Variants in FAT4 observed in about 807,000 individuals in gnomAD.
FAT4 encodes FAT atypical cadherin 4.
FAT4 carries 84 observed loss-of-function variants against 303.9 expected under a neutral mutation model. The observed-to-expected ratio is 0.28, with a 90% CI of 0.23 to 0.33. The LOEUF (loss-of-function observed/expected upper bound fraction) is 0.33. Among genes scored for constraint, FAT4 ranks in the 10% least tolerant of loss-of-function variants. FAT4 has a pLI of 1.00. For missense variants in FAT4, 6,005 were observed against 6,146.8 expected, an observed-to-expected ratio of 0.98 and a Z score of 0.77; for synonymous variants, 2,307 against 2,298.8, an observed-to-expected ratio of 1.00 and a Z score of -0.10.
chr4:125,385,581 G>T (rs575013016), intron 2 of FAT4, among the ~76,000 whole-genome samples: 5 of 151,878 alleles, frequency 3.3e-5, no homozygotes, highest in South Asian at 2.1e-4. Flanking sequence ...TGAAATTATA[G>T]ATAATCATAG....
intron 8 of FAT4, among the ~76,000 whole-genome samples, chr4:125,444,538 G>A (rs1412460082): frequency 1.3e-5 from 2 of 152,084 alleles, no homozygotes; most frequent in Non-Finnish European, 2.9e-5. Flanking sequence ...ACATTTAAAT[G>A]ATAGCAAGTC....
intron 14 of FAT4, 136 bp downstream of exon 14, chr4:125,477,470 A>G: frequency 1.3e-6 from 1 of 790,154 alleles, no homozygotes; most frequent in Non-Finnish European, 1.9e-6. Context: ...TGAATTTTAA[A>G]TACTATACCT....
chr4:125,450,733 C>G lies in FAT4; in HGVS notation c.9723C>G (p.Asp3241Glu). Reference sequence around the variant, plus strand: ...ATACTGTACAGTCATCTGACAGTGACCTCTTTGTCATTGACCCTAACACAG... The same window carrying G: ...ATACTGTACAGTCATCTGACAGTGAGCTCTTTGTCATTGACCCTAACACAG... ...IAYTVQSSDS[D>E]LFVIDPNTGV... Residue 3241 changes from aspartate to glutamate, a missense_variant, in exon 10 of 18, where the codon GAC becomes GAG. Asp to Glu is a conservative substitution (Grantham distance 45). Transcript: ENST00000394329. 6.2e-7 allele frequency: 1 copy of G among 1,614,092 alleles called. No homozygotes were observed.
chr4:125,437,025 T>C (rs908243244), intron 8 of FAT4, among the ~76,000 whole-genome samples: 6 of 152,038 alleles, frequency 3.9e-5, no homozygotes, highest in Middle Eastern at 3.2e-3. Context: ...CGGCTAATTT[T>C]TGTATTTTTA....
At chr4:125,468,156 T>TA (rs1031119657) in intron 11 of FAT4, among the ~76,000 whole-genome samples, 29 of 150,308 alleles carry the variant, frequency 1.9e-4, no homozygotes, top group Non-Finnish European at 3.1e-4. Flanking sequence ...TGTCCCAAAA[T>TA]AAAAAAAATA....
In FAT4 at chr4:125,321,409, T is replaced by C. The variant is rs754645745; in HGVS notation, c.4998T>C (p.Tyr1666=). The change falls in exon 2 of 18, where the codon TAT becomes TAC. Residue 1666 remains tyrosine, a synonymous_variant. Transcript: ENST00000394329. ...GATCTGAGGCCCCAGTGGAGTATTA[T>C]ATTGTTTCAGTTCGTTGTGAAGAAA... ...PRGSEAPVEY[Y]IVSVRCEEKT... is the part of the protein sequence containing the mutation. 3.5e-5 allele frequency: 57 copies of C among 1,614,032 alleles called. No individual in the cohort carries two copies. Among genetic ancestry groups the C allele is most frequent in the Admixed American group, 8.3e-5 (5 of 60,008 alleles).
In FAT4 at chr4:125,449,613, A is replaced by G. The variant is rs750101718; in HGVS notation, c.8603A>G (p.Asn2868Ser). ...GTCACAATATTTGTGACAGACATCA[A>G]TGACAATGCTCCAAGATTTAGCAGA... Reference protein sequence around the residue: ...TDVTIFVTDINDNAPRFSRTS... With the variant: ...TDVTIFVTDISDNAPRFSRTS... Residue 2868 changes from asparagine to serine, a missense_variant, in exon 10 of 18, where the codon AAT becomes AGT. Asn to Ser is a conservative substitution (Grantham distance 46, BLOSUM62 1). Transcript: ENST00000394329. 1.9e-6 allele frequency: 3 copies of G among 1,613,942 alleles called. No individual in the cohort carries two copies. Among genetic ancestry groups the G allele is most frequent in the Admixed American group, 1.7e-5 (1 of 60,000 alleles).
At chr4:125,467,941 G>T (rs940466137) in intron 11 of FAT4, among the ~76,000 whole-genome samples, 1 of 152,150 alleles carries the variant, frequency 6.6e-6, no homozygotes, top group East Asian at 1.9e-4. Context: ...GAGGCAGGCG[G>T]ATCACCTGAG....
intron 10 of FAT4, among the ~76,000 whole-genome samples, chr4:125,458,585 A>G (rs545232785): frequency 2.0e-5 from 3 of 152,136 alleles, no homozygotes; most frequent in Middle Eastern, 3.4e-3. Flanking sequence ...AAGCAGAATT[A>G]GGCAGTTTAC....
At chr4:125,390,219 A>C (rs1316511047) in intron 2 of FAT4, among the ~76,000 whole-genome samples, 1 of 152,142 alleles carries the variant, frequency 6.6e-6, no homozygotes, top group Non-Finnish European at 1.5e-5. Context: ...TACGAAATTT[A>C]ACTCTATACT....
chr4:125,449,221 AG>A lies in FAT4; in HGVS notation c.8212del (p.Val2738TyrfsTer6). On this transcript the variant is annotated frameshift_variant, in exon 10 of 18. Coordinates refer to ENST00000394329, the MANE Select transcript of FAT4 (RefSeq NM_001291303.3). LOFTEE classifies it high-confidence loss of function. ...RSVRPLDREK[V>X]SHYVLTIKSS... ...GCGTTAGACCTTTGGACAGGGAAAAAGTATCTCATTATGTCCTAACCATAAA... is the reference window on the plus strand; with the variant it reads ...GCGTTAGACCTTTGGACAGGGAAAAATATCTCATTATGTCCTAACCATAAA... 1 of 1,613,962 alleles carries A rather than the reference AG, an allele frequency of 6.2e-7. No homozygotes were observed. Among genetic ancestry groups the A allele is most frequent in the African/African-American group, 1.3e-5 (1 of 75,044 alleles).
rs1396185924 is a variant in FAT4, at chr4:125,441,428, T to C, written c.7200-4865T>C. Among the ~76,000 whole-genome samples, 18 of 152,304 alleles carry C rather than the reference T, an allele frequency of 1.2e-4. No individual in the cohort carries two copies. In the East Asian group the frequency reaches 2.9e-3, roughly 24 times the overall value. Reference sequence around the variant, plus strand: ...ATTAGAGAAAGAAAGTATTTCCATATGGTTGGTGTGGGTTAGGAATGGACT... The same window carrying C: ...ATTAGAGAAAGAAAGTATTTCCATACGGTTGGTGTGGGTTAGGAATGGACT... On this transcript the variant is annotated intron_variant, in intron 8 of 17. Transcript: ENST00000394329.
rs1258503889 is a variant in FAT4, at chr4:125,315,069, T to C, written c.-921T>C. 2.6e-5 allele frequency among the ~76,000 whole-genome samples: 4 copies of C among 151,772 alleles called. No individual in the cohort carries two copies. The highest frequency in any genetic ancestry group is 5.9e-5 in the Non-Finnish European group (4 of 67,898). ...CGGCGACGCGCTGTGTGTGTGTGTG[T>C]GCGTGTGTATGTGTGTGTGTGTGCA... is the stretch of plus-strand genomic sequence containing the variant. On this transcript the variant is annotated 5_prime_UTR_variant, in exon 1 of 18. Transcript: ENST00000394329.
At chr4:125,455,569 A>T (rs1297013634) in intron 10 of FAT4, among the ~76,000 whole-genome samples, 1 of 152,190 alleles carries the variant, frequency 6.6e-6, no homozygotes, top group East Asian at 1.9e-4. Context: ...CAAAAAATTA[A>T]GTCTTCGAGT....
chr4:125,439,492 C>T (rs1306773765), intron 8 of FAT4, among the ~76,000 whole-genome samples: 1 of 147,532 alleles, frequency 6.8e-6, no homozygotes, highest in Admixed American at 6.9e-5. Flanking sequence ...ACCACCATGC[C>T]CGGCTAATTT....
intron 2 of FAT4, among the ~76,000 whole-genome samples, chr4:125,362,495 C>A (rs902756216): frequency 5.3e-5 from 8 of 152,034 alleles, no homozygotes; most frequent in Non-Finnish European, 8.8e-5. Flanking sequence ...TCTTCTGATG[C>A]AGGGAAAAAG....
Position 125,316,344 on chromosome 4 carries a change from T to G in FAT4, c.-12-56T>G. ...ATCTTTGCTGGCGCTCCTTAATCCC[T>G]GTAAATATCATTGCGTTTGCTTCAC... is the stretch of plus-strand genomic sequence containing the variant. On this transcript the variant is annotated intron_variant, in intron 1 of 17. Transcript: ENST00000394329. The surrounding 1 kb of genome is among the most constrained non-coding windows in gnomAD (Gnocchi z 5.7). The G allele has an allele frequency of 6.6e-7, 1 of 1,525,118 alleles. No individual in the cohort carries two copies. The allele number at this position is 1,525,118 out of a possible 1,614,324, so 94.5% of individuals were successfully genotyped here. A position where few individuals can be genotyped will look rare whatever the true frequency, so the allele number is the denominator to read the frequency against.
chr4:125,458,113 C>G (rs1211870905), intron 10 of FAT4, among the ~76,000 whole-genome samples: 2 of 151,954 alleles, frequency 1.3e-5, no homozygotes, highest in Non-Finnish European at 2.9e-5. Context: ...TTAACCTTTT[C>G]CATTCACTTT....
rs769270880 is a variant in FAT4 at position 125,490,820 on chromosome 4, C to G, written c.14004C>G (p.Pro4668=). The part of the protein sequence containing the change: ...PLGFARQSPM[P]LGASSLTYQP... The stretch of plus-strand genomic sequence containing the variant: ...GCTTTGCAAGGCAATCCCCCATGCC[C>G]TTAGGAGCAAGCAGTTTGACTTACC... The change falls in exon 18 of 18, where the codon CCC becomes CCG. Residue 4668 remains proline, a synonymous_variant. Transcript: ENST00000394329. 4 of 1,614,122 alleles carry G rather than the reference C, an allele frequency of 2.5e-6. No homozygotes were observed. The South Asian group carries it at 4.4e-5, about 18-fold the overall frequency.
Sources: allele counts gnomAD v4.1 joint callset (sites outside exome capture counted in the v4.1 genomes callset), GRCh38; gene constraint gnomAD v4.1.1; non-coding constraint Gnocchi (gnomAD v3.1); transcripts MANE v1.5; gene names NCBI Gene and HGNC (gene_info 2026-07-23, HGNC 2026-07-21).